The following LHFPL6 variants were observed in gnomAD, a reference collection of about 807,000 sequenced individuals.
The protein encoded by LHFPL6 is LHFPL tetraspan subfamily member 6 protein.
A neutral mutation model predicts 20.6 loss-of-function variants in LHFPL6; 9 were observed. That is an observed-to-expected ratio of 0.44 (90% CI 0.26 to 0.76). The LOEUF (loss-of-function observed/expected upper bound fraction) is 0.76, where lower values mean the gene tolerates loss of function less well. LHFPL6 is among the 30% of genes least tolerant of loss of function. The pLI is 0.20. For missense variants in LHFPL6, 218 were observed against 253.5 expected, an observed-to-expected ratio of 0.86 and a Z score of 0.95; for synonymous variants, 105 against 98.7, an observed-to-expected ratio of 1.06 and a Z score of -0.38.
chr13:39,396,024 G>A (rs575604682), intron 2 of LHFPL6, among the ~76,000 whole-genome samples: 2 of 152,288 alleles, frequency 1.3e-5, no homozygotes, highest in Non-Finnish European at 2.9e-5. Context: ...CTGCTATGAA[G>A]GCATAGGGTT....
intron 3 of LHFPL6, among the ~76,000 whole-genome samples, chr13:39,357,186 TAAAAC>T (rs1226469200): frequency 2.6e-5 from 4 of 151,422 alleles, no homozygotes; most frequent in African/African-American, 9.7e-5. Flanking sequence ...AAAAAATAAA[TAAAAC>T]AAAACAAAAC....
chr13:39,509,826 G>A (rs1312192346), intron 2 of LHFPL6, among the ~76,000 whole-genome samples: 10 of 152,148 alleles, frequency 6.6e-5, no homozygotes, highest in Non-Finnish European at 1.3e-4. Flanking sequence ...CAGGCAGGGT[G>A]GCATGTGCCT....
chr13:39,560,627 A>G (rs4941934), intron 2 of LHFPL6, among the ~76,000 whole-genome samples: 123,667 of 151,122 alleles, frequency 0.82, 50,647 homozygotes, highest in Middle Eastern at 0.88. Flanking sequence ...CCATTCTCCT[A>G]CCTCAGCCTC....
intron 2 of LHFPL6, among the ~76,000 whole-genome samples, chr13:39,518,525 A>G (rs1177464805): frequency 6.6e-6 from 1 of 152,212 alleles, no homozygotes; most frequent in African/African-American, 2.4e-5. Flanking sequence ...TAATTCTACT[A>G]TAATGTATAT....
rs146054561 is a variant in LHFPL6, at chr13:39,496,652, T to C, written c.385+104180A>G. ...GCTGGATAATTCATCAGTAGAGAGATATAAAAGAGCATGCAGCTTCATGAA... is the reference window on the plus strand; with the variant it reads ...GCTGGATAATTCATCAGTAGAGAGACATAAAAGAGCATGCAGCTTCATGAA... On this transcript the variant is annotated intron_variant, in intron 2 of 3. Transcript: ENST00000379589. 1.6e-3 allele frequency among the ~76,000 whole-genome samples: 251 copies of C among 152,232 alleles called. 1 individual carries two copies. Among genetic ancestry groups the C allele is most frequent in the Non-Finnish European group, 1.8e-3 (121 of 68,022 alleles).
intron 3 of LHFPL6, among the ~76,000 whole-genome samples, chr13:39,372,412 A>T (rs1048681985): frequency 6.6e-6 from 1 of 152,226 alleles, no homozygotes; most frequent in Non-Finnish European, 1.5e-5. Context: ...GACCACTTAC[A>T]CCTAAATCAC....
chr13:39,442,299 G>GTA (rs1872161763), intron 2 of LHFPL6, among the ~76,000 whole-genome samples: 1 of 152,196 alleles, frequency 6.6e-6, no homozygotes, highest in East Asian at 1.9e-4. Context: ...TCTTATCAGG[G>GTA]TATATATTTT....
At chr13:39,484,181 A>G (rs192475877) in intron 2 of LHFPL6, among the ~76,000 whole-genome samples, 1 of 152,296 alleles carries the variant, frequency 6.6e-6, no homozygotes. Flanking sequence ...CACAGAGCCA[A>G]CTGCCTACAA....
chr13:39,587,533 A>G (rs890535702), intron 2 of LHFPL6, among the ~76,000 whole-genome samples: 2 of 152,248 alleles, frequency 1.3e-5, no homozygotes, highest in African/African-American at 2.4e-5. Context: ...CAAAAATCCT[A>G]TAAGTTCATA....
intron 2 of LHFPL6, among the ~76,000 whole-genome samples, chr13:39,473,227 C>T (rs1006168481): frequency 7.9e-5 from 12 of 151,408 alleles, no homozygotes; most frequent in African/African-American, 2.9e-4. Flanking sequence ...ACACCAGCCA[C>T]CTTTTGATGC....
chr13:39,560,142 G>C (rs58430166), intron 2 of LHFPL6, among the ~76,000 whole-genome samples: 2,628 of 152,230 alleles, frequency 0.017, 74 homozygotes, highest in African/African-American at 0.06. Context: ...ATTCATGGGA[G>C]CTCCAAATCA....
intron 2 of LHFPL6, among the ~76,000 whole-genome samples, chr13:39,535,993 G>A (rs948748266): frequency 5.9e-5 from 9 of 152,014 alleles, no homozygotes; most frequent in African/African-American, 2.2e-4. Context: ...CTTTCTATTT[G>A]ACACTACATA....
At chr13:39,503,301 C>A (rs1046361601) in intron 2 of LHFPL6, among the ~76,000 whole-genome samples, 2 of 152,188 alleles carry the variant, frequency 1.3e-5, no homozygotes, top group African/African-American at 4.8e-5. Context: ...ACTGACTGTT[C>A]CCTCTGCCTC....
rs34898470 is a variant in LHFPL6 at position 39,583,169 on chromosome 13, C to CTTTT, written c.385+17659_385+17662dup. ...AAGAAAATGTACAGGATGCCAAATT[C>CTTTT]TTTTTTTTTTTTTTTTTTTTTTAAG... On this transcript the variant is annotated intron_variant, in intron 2 of 3. Transcript: ENST00000379589. 2.1e-3 allele frequency among the ~76,000 whole-genome samples: 237 copies of CTTTT among 114,102 alleles called. 4 individuals are homozygous for CTTTT. The highest frequency in any genetic ancestry group is 7.4e-3 in the African/African-American group (219 of 29,746). The allele number at this position is 114,102 out of a possible 152,430, so 74.9% of individuals were successfully genotyped here.
intron 2 of LHFPL6, among the ~76,000 whole-genome samples, chr13:39,580,018 T>C (rs543625499): frequency 6.6e-6 from 1 of 152,336 alleles, no homozygotes; most frequent in African/African-American, 2.4e-5. Context: ...TAAACATTTA[T>C]TGTATATTAC....
chr13:39,601,861 A>C (rs1007614086), intron 1 of LHFPL6, among the ~76,000 whole-genome samples: 1 of 152,198 alleles, frequency 6.6e-6, no homozygotes, highest in Non-Finnish European at 1.5e-5. Flanking sequence ...CAAACTAATT[A>C]GGATAATTTT....
intron 2 of LHFPL6, among the ~76,000 whole-genome samples, chr13:39,459,446 C>T (rs942821098): frequency 3.3e-5 from 5 of 151,968 alleles, no homozygotes; most frequent in African/African-American, 1.2e-4. Context: ...TGCCAGCTGC[C>T]AGGGACACAA....
At chr13:39,383,246 G>A (rs4943656) in intron 2 of LHFPL6, among the ~76,000 whole-genome samples, 151,596 of 152,314 alleles carry the variant, frequency 1, 75,447 homozygotes, top group Middle Eastern at 1. Flanking sequence ...TCAACACTCA[G>A]TGGACAAATA....
chr13:39,430,314 T>C (rs571515085), intron 2 of LHFPL6, among the ~76,000 whole-genome samples: 7 of 152,308 alleles, frequency 4.6e-5, no homozygotes, highest in Middle Eastern at 3.4e-3. Flanking sequence ...AACTGACTGA[T>C]GTAGGGGGTA....
Sources: gnomAD v4.1 joint callset for allele counts (sites outside exome capture counted in the v4.1 genomes callset) on GRCh38, gnomAD v4.1.1 for gene constraint, MANE v1.5 for transcripts, NCBI Gene and HGNC (gene_info 2026-07-23, HGNC 2026-07-21) for gene names.